Variants in GTF2IRD1 observed in about 807,000 individuals in gnomAD.
The protein encoded by GTF2IRD1 is general transcription factor II-I repeat domain-containing protein 1.
In GTF2IRD1, 26 loss-of-function variants were observed where a neutral mutation model predicts 113.2. The observed-to-expected ratio is 0.23, with a 90% CI of 0.17 to 0.32. The LOEUF (loss-of-function observed/expected upper bound fraction) is 0.32. Ranked by LOEUF, GTF2IRD1 falls within the 10% of genes least tolerant of loss-of-function variation. The pLI is 1.00. For synonymous variants in GTF2IRD1, 484 were observed against 529.1 expected (o/e 0.91, Z 1.17); for missense variants, 864 against 1,280.8 (o/e 0.67, Z 4.97).
chr7:74,496,139 TGA>T (rs1795655745), intron 1 of GTF2IRD1, among the ~76,000 whole-genome samples: 1 of 151,832 alleles, frequency 6.6e-6, no homozygotes, highest in Admixed American at 6.6e-5. Context: ...CATGCATATG[TGA>T]GTGCATTGTG....
At chr7:74,497,056 G>A (rs1795775958) in intron 1 of GTF2IRD1, among the ~76,000 whole-genome samples, 1 of 152,104 alleles carries the variant, frequency 6.6e-6, no homozygotes, top group African/African-American at 2.4e-5. Flanking sequence ...CAGCTGCTTG[G>A]AAGGCTGAGG....
intron 16 of GTF2IRD1, among the ~76,000 whole-genome samples, 168 bp from the exon 17 acceptor site, chr7:74,546,935 G>C (rs2130672808): frequency 6.6e-6 from 1 of 152,164 alleles, no homozygotes; most frequent in South Asian, 2.1e-4. Context: ...TGAACTCCAG[G>C]TTCCTTTCCT....
intron 1 of GTF2IRD1, among the ~76,000 whole-genome samples, chr7:74,488,754 A>G (rs1162640286): frequency 1.3e-5 from 2 of 152,066 alleles, no homozygotes; most frequent in Non-Finnish European, 2.9e-5. Context: ...TGACAGAAGA[A>G]AAAAAGAGAG....
intron 1 of GTF2IRD1, among the ~76,000 whole-genome samples, chr7:74,457,075 C>T (rs1320133950): frequency 2.6e-5 from 4 of 151,988 alleles, no homozygotes; most frequent in African/African-American, 4.8e-5. Flanking sequence ...ACTGCAGCCT[C>T]GAACTCCTGG....
At chr7:74,571,685 G>A (rs888847758) in intron 22 of GTF2IRD1, among the ~76,000 whole-genome samples, 1 of 152,130 alleles carries the variant, frequency 6.6e-6, no homozygotes, top group African/African-American at 2.4e-5. Context: ...AACATAAAGA[G>A]ATCCTGTCTC....
chr7:74,486,801 G>C (rs1554335659), intron 1 of GTF2IRD1, among the ~76,000 whole-genome samples: 2 of 150,498 alleles, frequency 1.3e-5, no homozygotes. Flanking sequence ...GCAAGACCAT[G>C]TCTCTACAAA....
chr7:74,455,388 C>T (rs797034388), intron 1 of GTF2IRD1, among the ~76,000 whole-genome samples: 20 of 152,312 alleles, frequency 1.3e-4, no homozygotes, highest in African/African-American at 4.8e-4. Context: ...CTGCCATGGT[C>T]GGCCTCTGTG....
At chr7:74,580,396 C>T (rs1461460640) in intron 22 of GTF2IRD1, among the ~76,000 whole-genome samples, 4 of 152,170 alleles carry the variant, frequency 2.6e-5, no homozygotes, top group East Asian at 1.9e-4. Flanking sequence ...TAATTACCAA[C>T]GTGAGGTCGT....
At chr7:74,592,919 G>A (rs374458933) in intron 24 of GTF2IRD1, among the ~76,000 whole-genome samples, 11 of 151,920 alleles carry the variant, frequency 7.2e-5, no homozygotes, top group East Asian at 5.8e-4. Context: ...GTGCAGTGCC[G>A]TCATCTTGGC....
At chr7:74,598,756 T>G (rs1554373118) in intron 25 of GTF2IRD1, among the ~76,000 whole-genome samples, 3 of 152,112 alleles carry the variant, frequency 2.0e-5, no homozygotes, top group Non-Finnish European at 4.4e-5. Flanking sequence ...TCATGGTGAT[T>G]CAAGGATGGC....
intron 9 of GTF2IRD1, among the ~76,000 whole-genome samples, chr7:74,533,013 G>A (rs1484766544): frequency 3.3e-5 from 5 of 152,138 alleles, no homozygotes; most frequent in Non-Finnish European, 7.3e-5. Context: ...GAGGTTAGAA[G>A]GGAAAGAATG....
chr7:74,495,936 G>A (rs782282873), intron 1 of GTF2IRD1, among the ~76,000 whole-genome samples: 2 of 152,196 alleles, frequency 1.3e-5, no homozygotes, highest in Non-Finnish European at 2.9e-5. Flanking sequence ...GCACGACTGT[G>A]GCTGGGGCCA....
chr7:74,579,954 G>A (rs1408756667), intron 22 of GTF2IRD1, among the ~76,000 whole-genome samples: 5 of 152,138 alleles, frequency 3.3e-5, no homozygotes, highest in Non-Finnish European at 7.4e-5. Flanking sequence ...CAGTGTCCAG[G>A]TGCAGGTCTG....
intron 1 of GTF2IRD1, among the ~76,000 whole-genome samples, chr7:74,475,817 G>A (rs782463773): frequency 3.3e-5 from 5 of 152,220 alleles, no homozygotes; most frequent in Admixed American, 6.5e-5. Flanking sequence ...TGAGCCACCC[G>A]TCTGATGCGT....
At chr7:74,557,243 T>C (rs1469555013) in intron 19 of GTF2IRD1, among the ~76,000 whole-genome samples, 1 of 152,128 alleles carries the variant, frequency 6.6e-6, no homozygotes, top group Admixed American at 6.6e-5. Context: ...TCCTCCTCCA[T>C]CTGCTAGATC....
At chr7:74,564,218 G>A (rs1434245304) in intron 22 of GTF2IRD1, among the ~76,000 whole-genome samples, 4 of 152,064 alleles carry the variant, frequency 2.6e-5, no homozygotes, top group Admixed American at 2.6e-4. Flanking sequence ...GTAGAGACGG[G>A]GTTTCACCAT....
intron 26 of GTF2IRD1, chr7:74,601,606 C>A: frequency 1.6e-6 from 1 of 614,018 alleles, no homozygotes; most frequent in Non-Finnish European, 2.5e-6. Context: ...AACCCCATCT[C>A]TACTAAAAAT....
At chr7:74,473,192 CTGGT>C (rs1377044224) in intron 1 of GTF2IRD1, among the ~76,000 whole-genome samples, 1 of 152,184 alleles carries the variant, frequency 6.6e-6, no homozygotes, top group African/African-American at 2.4e-5. Context: ...TGGGGTCAGC[CTGGT>C]TGGGATGACA....
chr7:74,570,053 G>A (rs1428757955), intron 22 of GTF2IRD1, among the ~76,000 whole-genome samples: 6 of 152,042 alleles, frequency 3.9e-5, no homozygotes, highest in African/African-American at 1.4e-4. Context: ...TTGAGGCAGC[G>A]GTTTTCAAAC....
Sources: allele counts gnomAD v4.1 joint callset (sites outside exome capture counted in the v4.1 genomes callset), GRCh38; gene constraint gnomAD v4.1.1; transcripts MANE v1.5; gene names NCBI Gene and HGNC (gene_info 2026-07-23, HGNC 2026-07-21).